GRID2: variants seen among roughly 807,000 people sequenced by gnomAD.
GRID2 encodes the protein glutamate receptor ionotropic, delta-2.
A neutral mutation model predicts 114.8 loss-of-function variants in GRID2; 33 were observed. That is an observed-to-expected ratio of 0.29 (90% CI 0.22 to 0.38). The LOEUF is 0.38. Among genes scored for constraint, GRID2 ranks in the 10% least tolerant of loss-of-function variants. The pLI is 1.00. For missense variants in GRID2, 1,184 were observed against 1,257.7 expected (o/e 0.94, Z 0.89); for synonymous variants, 505 against 449.9 (o/e 1.12, Z -1.55).
At chr4:92,981,951 G>T (rs141530996) in intron 2 of GRID2, among the ~76,000 whole-genome samples, 1 of 145,664 alleles carries the variant, frequency 6.9e-6, no homozygotes, top group Non-Finnish European at 1.5e-5. Flanking sequence ...AGGACAAACT[G>T]TGCTGACATA....
chr4:93,302,023 A>G (rs1034091966), intron 8 of GRID2, among the ~76,000 whole-genome samples: 4 of 152,178 alleles, frequency 2.6e-5, no homozygotes, highest in Non-Finnish European at 5.9e-5. Flanking sequence ...GTAGTGTATA[A>G]GAGGAACTAT....
chr4:93,013,402 G>C (rs1722377493), intron 2 of GRID2, among the ~76,000 whole-genome samples: 1 of 151,862 alleles, frequency 6.6e-6, no homozygotes, highest in African/African-American at 2.4e-5. Context: ...AATATTCCAT[G>C]TGCGGAACTT....
chr4:93,699,537 C>T (rs1199195283), intron 14 of GRID2, among the ~76,000 whole-genome samples: 4 of 152,010 alleles, frequency 2.6e-5, no homozygotes, highest in Non-Finnish European at 5.9e-5. Context: ...AATAAAGAAT[C>T]TGAGGTTCAA....
intron 1 of GRID2, among the ~76,000 whole-genome samples, chr4:92,513,530 A>G (rs1724354211): frequency 6.6e-6 from 1 of 151,876 alleles, no homozygotes; most frequent in Non-Finnish European, 1.5e-5. Flanking sequence ...ACAAAGAAGT[A>G]TTTTTTTGAC....
intron 8 of GRID2, among the ~76,000 whole-genome samples, chr4:93,279,273 T>C (rs1752396833): frequency 6.6e-6 from 1 of 151,792 alleles, no homozygotes; most frequent in Non-Finnish European, 1.5e-5. Context: ...TTCAGTTGTA[T>C]ATTACTTCAC....
At chr4:92,362,575 T>A (rs1436376226) in intron 1 of GRID2, among the ~76,000 whole-genome samples, 1 of 152,052 alleles carries the variant, frequency 6.6e-6, no homozygotes, top group African/African-American at 2.4e-5. Context: ...CCTATTATTT[T>A]ACATTTTTGT....
chr4:93,245,287 T>C lies in GRID2; in HGVS notation c.1245+6797T>C, dbSNP rs528879926. ...AGAATCCATAAGATTCTTCTCTGCA[T>C]CTGTAAGTTTAGCAGCCTTGTTTTT... On this transcript the variant is annotated intron_variant, in intron 8 of 15. Transcript: ENST00000282020. Among the ~76,000 whole-genome samples, 6 of 152,282 alleles carry C rather than the reference T, an allele frequency of 3.9e-5. No individual in the cohort carries two copies. In the South Asian group the frequency reaches 6.2e-4, roughly 16 times the overall value.
chr4:92,747,351 G>T (rs1482404457), intron 2 of GRID2, among the ~76,000 whole-genome samples: 1 of 151,892 alleles, frequency 6.6e-6, no homozygotes, highest in Non-Finnish European at 1.5e-5. Flanking sequence ...TTTATTCAGG[G>T]AATGTTGAAT....
intron 1 of GRID2, among the ~76,000 whole-genome samples, chr4:92,401,285 T>A (rs1579300846): frequency 6.6e-6 from 1 of 152,168 alleles, no homozygotes; most frequent in Admixed American, 6.5e-5. Context: ...AATAAACAAG[T>A]AAAGGAACTA....
chr4:92,707,075 G>T (rs531994438), intron 2 of GRID2, among the ~76,000 whole-genome samples: 22 of 152,182 alleles, frequency 1.4e-4, no homozygotes, highest in African/African-American at 4.8e-4. Flanking sequence ...TAATTCTTCT[G>T]TAAATGTTAG....
At chr4:92,757,541 A>C (rs963462335) in intron 2 of GRID2, among the ~76,000 whole-genome samples, 1 of 152,092 alleles carries the variant, frequency 6.6e-6, no homozygotes, top group Non-Finnish European at 1.5e-5. Flanking sequence ...GAGCTCAGGG[A>C]GATTTTATTT....
chr4:92,814,934 CAG>C (rs1444475307), intron 2 of GRID2, among the ~76,000 whole-genome samples: 1 of 152,084 alleles, frequency 6.6e-6, no homozygotes, highest in Non-Finnish European at 1.5e-5. Context: ...CATGTACTGA[CAG>C]AGCTCAAAAT....
At chr4:92,658,121 T>G (rs1315600267) in intron 2 of GRID2, among the ~76,000 whole-genome samples, 1 of 151,788 alleles carries the variant, frequency 6.6e-6, no homozygotes, top group African/African-American at 2.4e-5. Flanking sequence ...CAATTAAATA[T>G]ACTTTACTAT....
At chr4:93,554,658 G>A (rs956087469) in intron 13 of GRID2, among the ~76,000 whole-genome samples, 1 of 152,122 alleles carries the variant, frequency 6.6e-6, no homozygotes, top group Admixed American at 6.6e-5. Context: ...CTGGAGTGCA[G>A]TGATGCAATC....
chr4:92,476,023 CTTTTTTTT>C (rs752757998), intron 1 of GRID2, among the ~76,000 whole-genome samples: 2 of 125,122 alleles, frequency 1.6e-5, no homozygotes, highest in Non-Finnish European at 3.3e-5. Flanking sequence ...TTCAGTGCTT[CTTTTTTTT>C]TTTTTTTTTT....
chr4:93,170,672 C>G (rs1424402211), intron 4 of GRID2, among the ~76,000 whole-genome samples: 2 of 152,118 alleles, frequency 1.3e-5, no homozygotes, highest in Admixed American at 6.6e-5. Flanking sequence ...AAATCCAATT[C>G]CCAGAAAGAG....
chr4:93,583,995 A>G (rs1212831290), intron 13 of GRID2, among the ~76,000 whole-genome samples: 1 of 152,174 alleles, frequency 6.6e-6, no homozygotes, highest in East Asian at 1.9e-4. Flanking sequence ...GAAAATGCTG[A>G]AACATTTCTC....
chr4:92,350,692 C>A (rs1436616331), intron 1 of GRID2, among the ~76,000 whole-genome samples: 1 of 151,612 alleles, frequency 6.6e-6, no homozygotes, highest in Non-Finnish European at 1.5e-5. Context: ...AATTTACATA[C>A]CATGTAATTC....
chr4:93,725,862 C>A (rs1489326539), intron 14 of GRID2, among the ~76,000 whole-genome samples: 1 of 152,000 alleles, frequency 6.6e-6, no homozygotes, highest in African/African-American at 2.4e-5. Flanking sequence ...TGTTTGAGTT[C>A]ATTGTAGATT....
Sources: gnomAD v4.1 joint callset for allele counts (sites outside exome capture counted in the v4.1 genomes callset) on GRCh38, gnomAD v4.1.1 for gene constraint, MANE v1.5 for transcripts, NCBI Gene and HGNC (gene_info 2026-07-23, HGNC 2026-07-21) for gene names.